PPP1R42: variants seen among roughly 807,000 people sequenced by gnomAD.
PPP1R42 encodes protein phosphatase 1 regulatory subunit 42, also known as leucine rich repeat containing 67.
Under a neutral mutation model 31.0 loss-of-function variants are expected in PPP1R42, and 34 were observed. The ratio of observed to expected loss-of-function variants is 1.10; its 90% CI spans 0.83 to 1.46. The LOEUF (loss-of-function observed/expected upper bound fraction) is 1.46, where lower values mean the gene tolerates loss of function less well. Ranked by LOEUF, PPP1R42 falls within the 40% of genes most tolerant of loss-of-function variation. The pLI is 0.00. For missense variants in PPP1R42, 268 were observed against 303.0 expected, an observed-to-expected ratio of 0.88 and a Z score of 0.86; for synonymous variants, 103 against 109.8, an observed-to-expected ratio of 0.94 and a Z score of 0.39.
intron 7 of PPP1R42, among the ~76,000 whole-genome samples, chr8:66,969,242 C>G (rs1450863047): frequency 2.0e-5 from 3 of 152,146 alleles, no homozygotes; most frequent in African/African-American, 7.2e-5. Flanking sequence ...TTTTCTGAGG[C>G]TGTGTACATT....
intron 5 of PPP1R42, among the ~76,000 whole-genome samples, chr8:67,009,065 G>A (rs1192510145): frequency 6.6e-6 from 1 of 152,196 alleles, no homozygotes; most frequent in Non-Finnish European, 1.5e-5. Context: ...GAGCTCAGGA[G>A]TTCGAGACCA....
chr8:67,015,791 C>G (rs1816000675), intron 2 of PPP1R42, among the ~76,000 whole-genome samples: 1 of 152,028 alleles, frequency 6.6e-6, no homozygotes, highest in Non-Finnish European at 1.5e-5. Context: ...TGTGTCATGG[C>G]AGAGATCAGC....
chr8:67,003,393 T>C (rs1357417406), intron 5 of PPP1R42, among the ~76,000 whole-genome samples: 23 of 146,642 alleles, frequency 1.6e-4, no homozygotes, highest in East Asian at 3.9e-4. Flanking sequence ...ATGCTTCTTT[T>C]TTTTTTTTTT....
chr8:66,987,109 A>G (rs1162925616), intron 6 of PPP1R42, among the ~76,000 whole-genome samples: 2 of 152,124 alleles, frequency 1.3e-5, no homozygotes, highest in East Asian at 3.9e-4. Flanking sequence ...ATATTTTTGG[A>G]TGAGATATAT....
intron 1 of PPP1R42, among the ~76,000 whole-genome samples, chr8:67,021,094 C>A (rs1816203103): frequency 6.6e-6 from 1 of 151,970 alleles, no homozygotes; most frequent in Non-Finnish European, 1.5e-5. Flanking sequence ...ACAAATGTAA[C>A]CAAAAACACA....
Position 67,025,303 on chromosome 8 carries a change from G to A in PPP1R42, c.-85+3188C>T, listed in dbSNP as rs115382308. 8.6e-3 allele frequency among the ~76,000 whole-genome samples: 1,296 copies of A among 151,174 alleles called. 15 individuals are homozygous for A. The highest frequency in any genetic ancestry group is 0.03 in the African/African-American group (1,221 of 41,154). ...TTTTCTTTTCTTTTTTTACAGACAG[G>A]GTCTCATTATGTTGCCTAGGCTGGT... is the stretch of plus-strand genomic sequence containing the variant. On this transcript the variant is annotated intron_variant, in intron 1 of 7. Transcript: ENST00000685739.
intron 7 of PPP1R42, among the ~76,000 whole-genome samples, chr8:66,964,567 A>G (rs185147443): frequency 2.0e-5 from 3 of 152,314 alleles, no homozygotes; most frequent in Admixed American, 1.3e-4. Context: ...TGGAAATAAT[A>G]TTAGAGGGAA....
chr8:67,014,697 T>A, intron 2 of PPP1R42, 105 bp from the exon 3 acceptor site: 1 of 719,222 alleles, frequency 1.4e-6, no homozygotes, highest in Non-Finnish European at 2.2e-6. Context: ...TTCTCTAAGG[T>A]TAATATAAAA....
At chr8:66,975,019 TA>T (rs1814631414) in intron 7 of PPP1R42, among the ~76,000 whole-genome samples, 1 of 152,210 alleles carries the variant, frequency 6.6e-6, no homozygotes, top group Non-Finnish European at 1.5e-5. Context: ...TCTATTTCTA[TA>T]AAAAATGCAA....
intron 4 of PPP1R42, 134 bp downstream of exon 4, chr8:67,012,824 C>T (rs1387351746): frequency 1.4e-6 from 1 of 709,592 alleles, no homozygotes; most frequent in Non-Finnish European, 2.1e-6. Flanking sequence ...CTTCAGTCCT[C>T]TGATAAGCTC....
intron 5 of PPP1R42, among the ~76,000 whole-genome samples, chr8:67,001,246 A>G (rs1280070125): frequency 1.4e-5 from 2 of 147,148 alleles, no homozygotes; most frequent in African/African-American, 5.0e-5. Flanking sequence ...TTTAAAGCAT[A>G]GATAACAAGA....
intron 5 of PPP1R42, among the ~76,000 whole-genome samples, chr8:67,002,423 T>C (rs917466133): frequency 3.9e-5 from 6 of 152,214 alleles, no homozygotes; most frequent in Non-Finnish European, 7.3e-5. Context: ...AGTCATCAAC[T>C]CCTGACCTCG....
chr8:66,986,142 A>G (rs1815005084), intron 6 of PPP1R42: 4 of 654,122 alleles, frequency 6.1e-6, no homozygotes, highest in African/African-American at 5.4e-5. Context: ...TGACCACTGT[A>G]GGCTCTGAGA....
intron 5 of PPP1R42, among the ~76,000 whole-genome samples, chr8:66,990,171 G>T (rs1274819429): frequency 6.6e-6 from 1 of 152,126 alleles, no homozygotes; most frequent in Non-Finnish European, 1.5e-5. Context: ...ATTTTACGTT[G>T]AGAGTTACAT....
At chr8:66,973,648 A>AT (rs35610195) in intron 7 of PPP1R42, among the ~76,000 whole-genome samples, 5,052 of 151,928 alleles carry the variant, frequency 0.033, 265 homozygotes, top group African/African-American at 0.11. Flanking sequence ...ACAATACATT[A>AT]TTTTTTTTAC....
chr8:67,003,559 A>G (rs926146391), intron 5 of PPP1R42, among the ~76,000 whole-genome samples: 5 of 151,934 alleles, frequency 3.3e-5, no homozygotes, highest in Non-Finnish European at 7.4e-5. Context: ...GTTGTTTCAC[A>G]TATTTTGTCT....
intron 5 of PPP1R42, among the ~76,000 whole-genome samples, chr8:67,001,027 T>C (rs929441473): frequency 6.6e-5 from 10 of 152,160 alleles, no homozygotes; most frequent in Admixed American, 2.6e-4. Flanking sequence ...TCTTAAAGAG[T>C]TGGCACTTTT....
At chr8:66,984,407 T>C (rs1437602710) in intron 6 of PPP1R42, 1 of 1,312,588 alleles carries the variant, frequency 7.6e-7, no homozygotes, top group African/African-American at 1.5e-5. Context: ...TGCTTCAATT[T>C]CTTCTGGGTC....
chr8:66,997,222 G>A (rs1815359127), intron 5 of PPP1R42, among the ~76,000 whole-genome samples: 1 of 152,162 alleles, frequency 6.6e-6, no homozygotes, highest in African/African-American at 2.4e-5. Flanking sequence ...GCCACCCTAT[G>A]TCAATGCCAC....
Sources: gnomAD v4.1 joint callset for allele counts (sites outside exome capture counted in the v4.1 genomes callset) on GRCh38, gnomAD v4.1.1 for gene constraint, MANE v1.5 for transcripts, NCBI Gene and HGNC (gene_info 2026-07-23, HGNC 2026-07-21) for gene names.